FGD4: variants seen among roughly 807,000 people sequenced by gnomAD.
FGD4 encodes FYVE, RhoGEF and PH domain containing 4, also known as FYVE, RhoGEF and PH domain-containing protein 4.
A neutral mutation model predicts 102.0 loss-of-function variants in FGD4; 42 were observed. The ratio of observed to expected loss-of-function variants is 0.41; its 90% confidence interval spans 0.32 to 0.53. The LOEUF (loss-of-function observed/expected upper bound fraction) is 0.53, where lower values mean the gene tolerates loss of function less well. Among genes scored for constraint, FGD4 ranks in the 20% least tolerant of loss-of-function variants. FGD4 has a pLI of 0.21. For synonymous variants in FGD4, 380 were observed against 375.7 expected, an observed-to-expected ratio of 1.01 and a Z score of -0.13; for missense variants, 902 against 1,078.2, an observed-to-expected ratio of 0.84 and a Z score of 2.29.
chr12:32,566,082 A>G (rs1393507336), intron 2 of FGD4, among the ~76,000 whole-genome samples: 1 of 152,208 alleles, frequency 6.6e-6, no homozygotes, highest in Non-Finnish European at 1.5e-5. Context: ...GTGATCTGAA[A>G]GTCCAAGATC....
intron 1 of FGD4, among the ~76,000 whole-genome samples, chr12:32,526,815 G>C (rs1941281051): frequency 1.3e-5 from 2 of 152,148 alleles, no homozygotes; most frequent in South Asian, 4.1e-4. Flanking sequence ...AACTCCAGAT[G>C]CCCCGCCTTA....
At chr12:32,550,964 T>A (rs1300661837) in intron 1 of FGD4, among the ~76,000 whole-genome samples, 5 of 152,236 alleles carry the variant, frequency 3.3e-5, no homozygotes, top group Middle Eastern at 3.2e-3. Flanking sequence ...TTACTAATCC[T>A]GTTACCATCT....
intron 1 of FGD4, among the ~76,000 whole-genome samples, chr12:32,526,448 G>A (rs1268743992): frequency 6.6e-6 from 1 of 152,174 alleles, no homozygotes; most frequent in Admixed American, 6.5e-5. Context: ...CCTGGGTGTG[G>A]AAACTCTGTA....
chr12:32,557,044 G>A (rs1944176614), intron 1 of FGD4: 1 of 151,938 alleles, frequency 6.6e-6, no homozygotes, highest in South Asian at 2.1e-4. Flanking sequence ...GTAGAAACTG[G>A]GTTTCACCAT....
chr12:32,481,127 CAA>C (rs1157108520), intron 1 of FGD4, among the ~76,000 whole-genome samples: 1,032 of 27,038 alleles, frequency 0.038, 1 homozygote, highest in Middle Eastern at 0.14. Context: ...GACTCCGTCT[CAA>C]AAAAAAAAAA....
intron 1 of FGD4, among the ~76,000 whole-genome samples, chr12:32,510,800 A>C (rs116357070): frequency 6.6e-6 from 1 of 152,256 alleles, no homozygotes; most frequent in African/African-American, 2.4e-5. Flanking sequence ...AGATTCATCT[A>C]TCAGGTACGT....
chr12:32,604,801 C>A, intron 7 of FGD4, among the ~76,000 whole-genome samples: 1 of 152,182 alleles, frequency 6.6e-6, no homozygotes, highest in East Asian at 1.9e-4. Context: ...GGCTAGAATG[C>A]CACAGATTCT....
intron 1 of FGD4, among the ~76,000 whole-genome samples, chr12:32,560,854 A>G (rs1335874631): frequency 6.6e-6 from 1 of 151,742 alleles, no homozygotes; most frequent in Non-Finnish European, 1.5e-5. Context: ...CACCATGCCC[A>G]GCTAATTTTT....
intron 1 of FGD4, among the ~76,000 whole-genome samples, chr12:32,469,324 G>T (rs193287886): frequency 6.6e-6 from 1 of 151,984 alleles, no homozygotes; most frequent in Non-Finnish European, 1.5e-5. Flanking sequence ...TGTCGCCCAG[G>T]CTGGAGTGCA....
intron 1 of FGD4, among the ~76,000 whole-genome samples, chr12:32,563,101 C>G (rs11052073): frequency 0.091 from 13,656 of 150,474 alleles, 801 homozygotes; most frequent in Middle Eastern, 0.21. Context: ...GCTGACCCCC[C>G]CCACCTCCCT....
intron 1 of FGD4, among the ~76,000 whole-genome samples, chr12:32,419,047 C>T (rs891583829): frequency 1.3e-5 from 2 of 152,100 alleles, no homozygotes; most frequent in Admixed American, 1.3e-4. Flanking sequence ...TACTTAAAGC[C>T]TAAGGGCTCT....
chr12:32,488,581 C>T (rs565275058), intron 1 of FGD4, among the ~76,000 whole-genome samples: 1 of 151,968 alleles, frequency 6.6e-6, no homozygotes, highest in Non-Finnish European at 1.5e-5. Context: ...TAGGCAACAA[C>T]CTGATTTTTT....
At chr12:32,526,098 C>T (rs922765584) in intron 1 of FGD4, among the ~76,000 whole-genome samples, 7 of 152,236 alleles carry the variant, frequency 4.6e-5, no homozygotes, top group African/African-American at 7.2e-5. Context: ...CCTGCAGCCC[C>T]GGTGCGGGAT....
intron 1 of FGD4, among the ~76,000 whole-genome samples, chr12:32,458,522 A>G (rs935284871): frequency 2.6e-5 from 4 of 152,140 alleles, no homozygotes; most frequent in Admixed American, 2.6e-4. Context: ...TTTTCCATTC[A>G]TAAGATATCC....
chr12:32,410,046 G>A lies in FGD4; in HGVS notation c.166+10087G>A, dbSNP rs117738758. Reference sequence around the variant, plus strand: ...AAAAAGTCAAGAAATTTGCCAGTATGGACCTGGTGCGGTGGCTCACGCCTA... The same window carrying A: ...AAAAAGTCAAGAAATTTGCCAGTATAGACCTGGTGCGGTGGCTCACGCCTA... On this transcript the variant is annotated intron_variant, in intron 1 of 16. Transcript: ENST00000534526. Among the ~76,000 whole-genome samples the A allele has an allele frequency of 9.2e-3, 1,389 of 151,266 alleles. 8 individuals carry two copies. The highest frequency in any genetic ancestry group is 0.014 in the Non-Finnish European group (976 of 67,762).
intron 10 of FGD4, among the ~76,000 whole-genome samples, chr12:32,613,638 C>G (rs1949283099): frequency 6.6e-6 from 1 of 152,058 alleles, no homozygotes; most frequent in South Asian, 2.1e-4. Flanking sequence ...CACCTGTACT[C>G]CTAGCTACTT....
chr12:32,401,903 A>ATTTT (rs537785812), intron 1 of FGD4, among the ~76,000 whole-genome samples: 1 of 85,084 alleles, frequency 1.2e-5, no homozygotes, highest in African/African-American at 4.8e-5. Flanking sequence ...ATTTTTGTAC[A>ATTTT]TTTTTTTTTT....
intron 1 of FGD4, among the ~76,000 whole-genome samples, chr12:32,470,238 C>A (rs1269853362): frequency 1.3e-5 from 2 of 152,172 alleles, no homozygotes; most frequent in Admixed American, 1.3e-4. Flanking sequence ...TCTCGACCCT[C>A]CATAAGATGG....
intron 7 of FGD4, among the ~76,000 whole-genome samples, chr12:32,606,430 C>A (rs1220043381): frequency 6.6e-6 from 1 of 151,824 alleles, no homozygotes. Context: ...ACCCATATTA[C>A]CATTACTTTA....
Sources: gnomAD v4.1 joint callset for allele counts (sites outside exome capture counted in the v4.1 genomes callset) on GRCh38, gnomAD v4.1.1 for gene constraint, MANE v1.5 for transcripts, NCBI Gene and HGNC (gene_info 2026-07-23, HGNC 2026-07-21) for gene names.